HECW2: variants seen among roughly 807,000 people sequenced by gnomAD.
The protein encoded by HECW2 is E3 ubiquitin-protein ligase HECW2.
HECW2 carries 61 observed loss-of-function variants against 175.2 expected under a neutral mutation model. The ratio of observed to expected loss-of-function variants is 0.35; its 90% CI spans 0.28 to 0.43. HECW2 has a LOEUF of 0.43. Ranked by LOEUF, HECW2 falls within the 20% of genes least tolerant of loss-of-function variation. HECW2 has a pLI of 1.00. For synonymous variants in HECW2, 671 were observed against 731.0 expected (o/e 0.92, Z 1.32); for missense variants, 1,524 against 2,000.5 (o/e 0.76, Z 4.54).
intron 18 of HECW2, among the ~76,000 whole-genome samples, chr2:196,256,090 T>C (rs1012781317): frequency 1.3e-5 from 2 of 151,972 alleles, no homozygotes; most frequent in Admixed American, 6.6e-5. Context: ...AATAAATAAA[T>C]AATTGAGGAC....
intron 17 of HECW2, among the ~76,000 whole-genome samples, chr2:196,268,543 T>C (rs1689603668): frequency 6.6e-6 from 1 of 152,244 alleles, no homozygotes; most frequent in Non-Finnish European, 1.5e-5. Context: ...CTGTTAAGAT[T>C]CTGTCAAGTC....
At position 196,468,941 on chromosome 2, in the gene HECW2, T is replaced by C. The variant is rs543065703; in HGVS notation, c.-35-35483A>G. ...AGCATTTAAGTTGCAAAATGTTTTT[T>C]AGCAGGCTAATGACAGGTTACATCC... On this transcript the variant is annotated intron_variant, in intron 1 of 28. Coordinates refer to ENST00000644978, the MANE Select transcript of HECW2 (RefSeq NM_001348768.2). Among the ~76,000 whole-genome samples, 7 of 152,332 alleles carry C rather than the reference T, an allele frequency of 4.6e-5. No homozygotes were observed. In the South Asian group the frequency reaches 1.4e-3, roughly 32 times the overall value.
intron 2 of HECW2, among the ~76,000 whole-genome samples, chr2:196,397,138 A>ACAAAAAAAAACAAAAC (rs1018004046): frequency 9.8e-4 from 2 of 2,032 alleles, no homozygotes; most frequent in African/African-American, 1.4e-3. Flanking sequence ...ACAAAACAAA[A>ACAAAAAAAAACAAAAC]AAAAAAAAAA....
chr2:196,331,021 A>G lies in HECW2; in HGVS notation c.496-1371T>C, dbSNP rs188791112. The stretch of plus-strand genomic sequence containing the variant: ...ACATCCCCAGGAGATAAAAGCCATC[A>G]CTAATCCAAGCAAAGTTGAGAAATT... On this transcript the variant is annotated intron_variant, in intron 4 of 28. Coordinates refer to ENST00000644978, the MANE Select transcript of HECW2 (RefSeq NM_001348768.2). The G allele has an allele frequency of 9.1e-6, 3 of 328,422 alleles. No homozygotes were observed. The East Asian group carries it at 5.2e-4, about 56-fold the overall frequency. The allele number at this position is 328,422 out of a possible 1,614,324, so 20.3% of individuals were successfully genotyped here. A position where few individuals can be genotyped will look rare whatever the true frequency, so the allele number is the denominator to read the frequency against.
intron 2 of HECW2, among the ~76,000 whole-genome samples, chr2:196,389,121 C>G (rs1694434028): frequency 6.6e-6 from 1 of 152,166 alleles, no homozygotes; most frequent in African/African-American, 2.4e-5. Context: ...CCATTCAGGA[C>G]AAACTTTTCA....
chr2:196,573,687 G>A (rs796662146), intron 1 of HECW2, among the ~76,000 whole-genome samples: 1 of 152,120 alleles, frequency 6.6e-6, no homozygotes. Context: ...TGCAATTGCC[G>A]AACACTGCGG....
At chr2:196,429,786 C>T (rs1569150) in intron 2 of HECW2, among the ~76,000 whole-genome samples, 144,193 of 152,180 alleles carry the variant, frequency 0.95, 68,419 homozygotes, top group East Asian at 1. Flanking sequence ...CTGAGTCAAC[C>T]GGAGTACTAG....
At position 196,198,397 on chromosome 2, in the gene HECW2, C is replaced by A. The variant is rs1405296705; in HGVS notation, c.*2880G>T. 6.6e-6 allele frequency: 1 copy of A among 152,168 alleles called. No homozygotes were observed. The highest frequency in any genetic ancestry group is 1.5e-5 in the Non-Finnish European group (1 of 68,002). 9.4% of individuals were successfully genotyped at this position (152,168 alleles called of 1,614,324 possible). A position where few individuals can be genotyped will look rare whatever the true frequency, so the allele number is the denominator to read the frequency against. The stretch of plus-strand genomic sequence containing the variant: ...TATTGAATCTCCCAGATGGAAAAAG[C>A]TGTTCTCTTCTCTCTTCATTCCTTG... On this transcript the variant is annotated 3_prime_UTR_variant, in exon 29 of 29. Coordinates refer to ENST00000644978, the MANE Select transcript of HECW2 (RefSeq NM_001348768.2).
intron 1 of HECW2, among the ~76,000 whole-genome samples, chr2:196,534,482 C>T (rs1037768816): frequency 6.6e-6 from 1 of 152,064 alleles, no homozygotes. Context: ...AATATATAGC[C>T]TAAGGAGCAT....
intron 14 of HECW2, among the ~76,000 whole-genome samples, chr2:196,282,559 C>T (rs778894026): frequency 7.9e-5 from 12 of 151,960 alleles, no homozygotes; most frequent in South Asian, 4.2e-4. Context: ...GGGGTGGGGG[C>T]GGTTCTAGGT....
chr2:196,573,870 C>T (rs373327767), intron 1 of HECW2, among the ~76,000 whole-genome samples: 11 of 141,762 alleles, frequency 7.8e-5, no homozygotes, highest in Non-Finnish European at 1.5e-4. Flanking sequence ...ACAACAACAA[C>T]AAAAAAAAAA....
chr2:196,372,012 CAA>C (rs1477622214), intron 2 of HECW2, among the ~76,000 whole-genome samples: 1 of 152,268 alleles, frequency 6.6e-6, no homozygotes, highest in African/African-American at 2.4e-5. Flanking sequence ...TTTTAATTTT[CAA>C]AGAGACCCTT....
At chr2:196,270,990 G>A (rs534342696) in intron 17 of HECW2, among the ~76,000 whole-genome samples, 2 of 152,048 alleles carry the variant, frequency 1.3e-5, no homozygotes, top group Non-Finnish European at 1.5e-5. Context: ...CGCCGTGCCC[G>A]GCCGATTTTA....
At chr2:196,214,171 A>T (rs115945616) in intron 28 of HECW2, among the ~76,000 whole-genome samples, 1 of 152,202 alleles carries the variant, frequency 6.6e-6, no homozygotes. Context: ...ATGAGGAAAC[A>T]GAGGCTCAGA....
chr2:196,265,282 C>T (rs1689466877), intron 17 of HECW2, among the ~76,000 whole-genome samples: 1 of 152,152 alleles, frequency 6.6e-6, no homozygotes. Flanking sequence ...GCCAGGAGTT[C>T]AAGACTGGCC....
At chr2:196,458,557 G>C (rs571057696) in intron 1 of HECW2, among the ~76,000 whole-genome samples, 1 of 152,210 alleles carries the variant, frequency 6.6e-6, no homozygotes, top group African/African-American at 2.4e-5. Context: ...GGAAAACTGT[G>C]AAACCAGATG....
In HECW2 at chr2:196,558,639, T is replaced by C. The variant is rs547945376; in HGVS notation, c.-36+34869A>G. On this transcript the variant is annotated intron_variant, in intron 1 of 28. Transcript: ENST00000644978. ...CTTGATTCTAGCTGACATGTTGGCG[T>C]ATCCCTTGTGTAAAATGGAATATTC... is the stretch of plus-strand genomic sequence containing the variant. Among the ~76,000 whole-genome samples, 318 of 152,376 alleles carry C rather than the reference T, an allele frequency of 2.1e-3. 4 individuals are homozygous for C. The highest frequency in any genetic ancestry group is 6.8e-3 in the Middle Eastern group (2 of 294).
chr2:196,409,934 A>G (rs898867507), intron 2 of HECW2, among the ~76,000 whole-genome samples: 1 of 152,248 alleles, frequency 6.6e-6, no homozygotes, highest in Non-Finnish European at 1.5e-5. Context: ...CACAAGAATC[A>G]TAAAAAGATT....
intron 10 of HECW2, among the ~76,000 whole-genome samples, chr2:196,309,290 T>G (rs2105719057): frequency 6.6e-6 from 1 of 152,258 alleles, no homozygotes; most frequent in South Asian, 2.1e-4. Context: ...CTCAGCACAT[T>G]GTAATTTATG....
Sources: allele counts gnomAD v4.1 joint callset (sites outside exome capture counted in the v4.1 genomes callset), GRCh38; gene constraint gnomAD v4.1.1; transcripts MANE v1.5; gene names NCBI Gene and HGNC (gene_info 2026-07-23, HGNC 2026-07-21).